The following ALDH3A1 variants were observed in gnomAD, a reference collection of about 807,000 sequenced individuals.
The protein encoded by ALDH3A1 is aldehyde dehydrogenase 3 family member A1.
In ALDH3A1, 46 loss-of-function variants were observed where a neutral mutation model predicts 49.9. The observed-to-expected ratio is 0.92, with a 90% CI of 0.73 to 1.18. ALDH3A1 has a LOEUF of 1.18. ALDH3A1 is among the 50% of genes most tolerant of loss of function. The pLI is 0.00. For synonymous variants in ALDH3A1, 269 were observed against 253.3 expected, an observed-to-expected ratio of 1.06 and a Z score of -0.59; for missense variants, 592 against 611.8, an observed-to-expected ratio of 0.97 and a Z score of 0.34.
In ALDH3A1 at chr17:19,742,816, A is replaced by G. The variant is rs1174417704; in HGVS notation, c.395-186T>C. The stretch of plus-strand genomic sequence containing the variant: ...GCACGCACGGGCACATGACAGAGGG[A>G]CACACACGGGCACACGCTGGCCAGA... On this transcript the variant is annotated intron_variant, in intron 3 of 10. Coordinates refer to ENST00000225740, the MANE Select transcript of ALDH3A1 (RefSeq NM_000691.5). 3.3e-6 allele frequency: 5 copies of G among 1,534,280 alleles called. No homozygotes were observed. In the East Asian group the frequency reaches 1.2e-4, roughly 38 times the overall value.
At chr17:19,747,115 C>T (rs1055731422) in intron 1 of ALDH3A1, among the ~76,000 whole-genome samples, 9 of 152,042 alleles carry the variant, frequency 5.9e-5, no homozygotes, top group Non-Finnish European at 1.0e-4. Flanking sequence ...TAGGGTATTT[C>T]CATTTTTTTA....
At chr17:19,739,748 C>G in intron 7 of ALDH3A1, 74 bp from the exon 8 acceptor site, 1 of 1,533,294 alleles carries the variant, frequency 6.5e-7, no homozygotes, top group South Asian at 1.2e-5. Context: ...GCACCTAGAC[C>G]CCTGCTCCAA....
In ALDH3A1 at chr17:19,739,493, A is replaced by T; in HGVS notation, c.1116+15T>A. On this transcript the variant is annotated intron_variant, in intron 8 of 10. Transcript: ENST00000225740. ...CCAGGACCCTGGCAGAGGGCACCCC[A>T]GGCCCACCACCCACCTTGTCGTTGC... 1 of 1,602,408 alleles carries T rather than the reference A, an allele frequency of 6.2e-7. No homozygotes were observed. The highest frequency in any genetic ancestry group is 8.5e-7 in the Non-Finnish European group (1 of 1,175,306).
intron 2 of ALDH3A1, 49 bp downstream of exon 2, chr17:19,744,919 C>CCCCCCACCCA: frequency 7.2e-7 from 1 of 1,385,392 alleles, no homozygotes; most frequent in South Asian, 1.4e-5. Context: ...CCCCACGCCC[C>CCCCCCACCCA]ATCGCATGGC....
intron 2 of ALDH3A1, chr17:19,744,444 CAA>C (rs1371379062): frequency 2.0e-6 from 2 of 985,170 alleles, no homozygotes; most frequent in Non-Finnish European, 2.4e-6. Context: ...AGTGCAGGAG[CAA>C]AGAGGGTAGT....
Position 19,738,449 on chromosome 17 carries a change from G to C in ALDH3A1, c.1221C>G (p.Asn407Lys). ...TGCCATGGTAGGATCCCATGCCGCT[G>C]TTCCCTGCGGAGGAGAAGTAAGCAC... Reference protein sequence around the residue: ...LHSLPFGGVGNSGMGSYHGKK... With the variant: ...LHSLPFGGVGKSGMGSYHGKK... Residue 407 changes from asparagine (N) to lysine (K), a missense_variant, in exon 10 of 11, where the codon AAC becomes AAG. By Grantham distance (94) the Asn-to-Lys change is moderately conservative (BLOSUM62 0). Coordinates refer to ENST00000225740, the MANE Select transcript of ALDH3A1 (RefSeq NM_000691.5). The C allele has an allele frequency of 6.2e-7, 1 of 1,610,938 alleles. No individual in the cohort carries two copies.
At chr17:19,739,232 G>T in intron 8 of ALDH3A1, 137 bp from the exon 9 acceptor site, 2 of 841,908 alleles carry the variant, frequency 2.4e-6, no homozygotes, top group Non-Finnish European at 3.7e-6. Context: ...TCCATCTCCT[G>T]CTCTTCCTGC....
intron 2 of ALDH3A1, chr17:19,744,345 G>A: frequency 1.1e-6 from 1 of 897,214 alleles, no homozygotes; most frequent in Non-Finnish European, 1.3e-6. Flanking sequence ...GGAGGTTGCA[G>A]TGAGCCGAGA....
intron 1 of ALDH3A1, among the ~76,000 whole-genome samples, chr17:19,747,066 C>T (rs2086610696): frequency 6.6e-6 from 1 of 152,144 alleles, no homozygotes; most frequent in South Asian, 2.1e-4. Flanking sequence ...ATACTCAGCC[C>T]ACTTGCAGAC....
chr17:19,738,500 C>T (rs374777561), intron 9 of ALDH3A1, 47 bp from the exon 10 acceptor site: 24 of 1,588,262 alleles, frequency 1.5e-5, no homozygotes, highest in East Asian at 9.0e-5. Flanking sequence ...GCCCCCAGGA[C>T]GCCCCAGGTT....
Position 19,744,899 on chromosome 17 carries a change from C to CA in ALDH3A1, c.162+68dup. 7.4e-6 allele frequency: 6 copies of CA among 806,888 alleles called. 1 individual carries two copies. The highest frequency in any genetic ancestry group is 4.0e-5 in the South Asian group (2 of 50,264). The allele number at this position is 806,888 out of a possible 1,614,324, so 50.0% of individuals were successfully genotyped here. On this transcript the variant is annotated intron_variant, in intron 2 of 10. Transcript: ENST00000225740. Reference sequence around the variant, plus strand: ...GAACCTCTCTGGGTCGCACTCTCCCCAGCCCCTCCCCCCACGCCCCATCGC... The same window carrying CA: ...GAACCTCTCTGGGTCGCACTCTCCCCAAGCCCCTCCCCCCACGCCCCATCGC...
At position 19,738,893 on chromosome 17, in the gene ALDH3A1, G is replaced by C. The variant is rs112831562; in HGVS notation, c.1216+103C>G. 91 of 1,006,064 alleles carry C rather than the reference G, an allele frequency of 9.0e-5. No individual in the cohort carries two copies. In the African/African-American group the frequency reaches 1.1e-3, roughly 13 times the overall value. The allele number at this position is 1,006,064 out of a possible 1,614,324, so 62.3% of individuals were successfully genotyped here. ...TCCAAATGGAAGAGGCTAATGGGAG[G>C]CTGCCGCCCGGGCTGCAGGAGGTGG... is the stretch of plus-strand genomic sequence containing the variant. On this transcript the variant is annotated intron_variant, in intron 9 of 10. Coordinates refer to ENST00000225740, the MANE Select transcript of ALDH3A1 (RefSeq NM_000691.5).
rs761232139 is a variant in ALDH3A1 at position 19,741,197 on chromosome 17, C to T, written c.703G>A (p.Gly235Arg). ...GTCTGGCCACTGTTCATGAATTTCC[C>T]CCAGGCGATGCGTCTGTGAGAATCC... ...LDVACRRIAWGKFMNSGQTCV... is the reference protein window; with the variant it reads ...LDVACRRIAWRKFMNSGQTCV... The change falls in exon 6 of 11, where the codon GGG (glycine) becomes AGG (arginine). Residue 235 changes from glycine (G) to arginine (R), a missense_variant. Gly to Arg is a moderately radical substitution (Grantham distance 125). Transcript: ENST00000225740. The T allele has an allele frequency of 3.3e-5, 54 of 1,613,786 alleles. No homozygotes were observed. The highest frequency in any genetic ancestry group is 3.1e-4 in the East Asian group (14 of 44,882).
At chr17:19,744,758 A>G (rs2086565826) in intron 2 of ALDH3A1, 1 of 1,366,472 alleles carries the variant, frequency 7.3e-7, no homozygotes, top group African/African-American at 1.5e-5. Flanking sequence ...AGGCCGGGCC[A>G]GGAGGAAAAG....
chr17:19,739,543 G>A lies in ALDH3A1; in HGVS notation c.1081C>T (p.Pro361Ser), dbSNP rs753741018. 1.9e-6 allele frequency: 3 copies of A among 1,612,834 alleles called. No individual in the cohort carries two copies. The Admixed American group carries it at 5.0e-5, about 27-fold the overall frequency. ...AIQFINQREK[P>S]LALYMFSSND... ...CTGGAGAACATGTAGAGGGCCAGGG[G>A]CTTCTCACGCTGGTTGATGAACTGG... The change falls in exon 8 of 11, where the codon CCC becomes TCC. Residue 361 changes from proline to serine, a missense_variant. Physicochemically the swap from Pro to Ser is moderately conservative, Grantham distance 74. Transcript: ENST00000225740.
chr17:19,744,671 G>C, intron 2 of ALDH3A1: 6 of 985,410 alleles, frequency 6.1e-6, no homozygotes, highest in Non-Finnish European at 7.2e-6. Flanking sequence ...GTGGGGCTGA[G>C]GAATGGGGAG....
intron 1 of ALDH3A1, among the ~76,000 whole-genome samples, chr17:19,747,131 C>A (rs1303659920): frequency 6.6e-6 from 1 of 152,088 alleles, no homozygotes; most frequent in Non-Finnish European, 1.5e-5. Flanking sequence ...TTTTAAAAAA[C>A]CCTATATATC....
rs552163756 is a variant in ALDH3A1 at position 19,742,685 on chromosome 17, C to G, written c.395-55G>C. ...CCAGGGTACTTCACCAGAGGCTCTG[C>G]CCTCCCAAGGACCACACCTGAAGCC... is the stretch of plus-strand genomic sequence containing the variant. On this transcript the variant is annotated intron_variant, in intron 3 of 10. Coordinates refer to ENST00000225740, the MANE Select transcript of ALDH3A1 (RefSeq NM_000691.5). 5 of 1,611,984 alleles carry G rather than the reference C, an allele frequency of 3.1e-6. No individual in the cohort carries two copies. In the South Asian group the frequency reaches 5.5e-5, roughly 18 times the overall value.
rs2086547689 is a variant in ALDH3A1, at chr17:19,743,779, G to A, written c.163-316C>T. On this transcript the variant is annotated intron_variant, in intron 2 of 10. Transcript: ENST00000225740. This position sits in a 1 kb window ranked among gnomAD's most constrained non-coding sequence, Gnocchi z 4.4. Reference sequence around the variant, plus strand: ...GAATAGAGCCGGGCAGGGGAGAGTAGATTCAGGCAGTGGGAATGGATCCGG... The same window carrying A: ...GAATAGAGCCGGGCAGGGGAGAGTAAATTCAGGCAGTGGGAATGGATCCGG... 38 of 970,562 alleles carry A rather than the reference G, an allele frequency of 3.9e-5. No homozygotes were observed. Among genetic ancestry groups the A allele is most frequent in the Non-Finnish European group, 4.5e-5 (37 of 819,782 alleles). 60.1% of individuals were successfully genotyped at this position (970,562 alleles called of 1,614,324 possible). A position where few individuals can be genotyped will look rare whatever the true frequency, so the allele number is the denominator to read the frequency against.
Sources: gnomAD v4.1 joint callset for allele counts (sites outside exome capture counted in the v4.1 genomes callset) on GRCh38, gnomAD v4.1.1 for gene constraint, Gnocchi (gnomAD v3.1) non-coding constraint, MANE v1.5 for transcripts, NCBI Gene and HGNC (gene_info 2026-07-23, HGNC 2026-07-21) for gene names.